PARP11: variants seen among roughly 807,000 people sequenced by gnomAD.
The protein encoded by PARP11 is poly(ADP-ribose) polymerase family member 11, also known as protein mono-ADP-ribosyltransferase PARP11.
A neutral mutation model predicts 42.9 loss-of-function variants in PARP11; 31 were observed. That is an observed-to-expected ratio of 0.72 (90% confidence interval 0.54 to 0.98). PARP11 has a LOEUF of 0.98. Ranked by LOEUF, PARP11 falls within the 50% of genes least tolerant of loss-of-function variation. The pLI, the probability that PARP11 is intolerant of heterozygous loss-of-function variation, is 0.00. For missense variants in PARP11, 365 were observed against 413.1 expected (o/e 0.88, Z 1.01); for synonymous variants, 137 against 127.3 (o/e 1.08, Z -0.51).
chr12:3,873,370 C>A lies in PARP11; in HGVS notation c.-141G>T, dbSNP rs188018948. ...CTTTACGAAGGCCTTCCTCCTCCCC[C>A]TCCCTGTCACAAGCCAGCGTTTACA... is the stretch of plus-strand genomic sequence containing the variant. On this transcript the variant is annotated 5_prime_UTR_variant, in exon 1 of 8. The change creates a new upstream start codon in the 5' untranslated region. Coordinates refer to ENST00000228820, the MANE Select transcript of PARP11 (RefSeq NM_020367.6). 1.9e-4 allele frequency: 140 copies of A among 752,162 alleles called. No homozygotes were observed. The South Asian group carries it at 2.1e-3, about 11-fold the overall frequency. 46.6% of individuals were successfully genotyped at this position (752,162 alleles called of 1,614,324 possible). A position where few individuals can be genotyped will look rare whatever the true frequency, so the allele number is the denominator to read the frequency against.
At chr12:3,867,955 A>G (rs936255922) in intron 1 of PARP11, among the ~76,000 whole-genome samples, 101 of 152,312 alleles carry the variant, frequency 6.6e-4, no homozygotes, top group African/African-American at 2.3e-3. Flanking sequence ...ATTCCTAAAC[A>G]TCTGACAGCG....
rs1591782565 is a variant in PARP11, at chr12:3,841,756, T to C, written c.19-11738A>G. The C allele has an allele frequency of 5.0e-6, 8 of 1,612,810 alleles. No individual in the cohort carries two copies. The South Asian group carries it at 6.6e-5, about 13-fold the overall frequency. On this transcript the variant is annotated intron_variant, in intron 1 of 7. Coordinates refer to ENST00000228820, the MANE Select transcript of PARP11 (RefSeq NM_020367.6). ...TGCACCTCCTTTCTTTCCTCATGTT[T>C]GGCATGGGTACCCTTTTCAGGGATT... is the stretch of plus-strand genomic sequence containing the variant.
chr12:3,873,184 G>T, intron 1 of PARP11, 28 bp downstream of exon 1: 1 of 1,532,958 alleles, frequency 6.5e-7, no homozygotes, highest in South Asian at 1.2e-5. Context: ...CGCCCCCTGG[G>T]CCCGCCCCGT....
At chr12:3,859,192 T>TTAA (rs1174762710) in intron 1 of PARP11, among the ~76,000 whole-genome samples, 2 of 152,056 alleles carry the variant, frequency 1.3e-5, no homozygotes, top group East Asian at 3.8e-4. Flanking sequence ...TAGACTTGGG[T>TTAA]ACTATCTCCA....
Position 3,840,299 on chromosome 12 carries a change from C to T in PARP11, c.19-10281G>A. ...TCAAAGAACCTCAAGGCACCTCCCC[C>T]AGAAAGCTGGAACACAGTGTCAGGG... On this transcript the variant is annotated intron_variant, in intron 1 of 7. Coordinates refer to ENST00000228820, the MANE Select transcript of PARP11 (RefSeq NM_020367.6). The surrounding 1 kb of genome is among the most constrained non-coding windows in gnomAD (Gnocchi z 4.4). The T allele has an allele frequency of 1.2e-6, 2 of 1,614,104 alleles. No individual in the cohort carries two copies. The highest frequency in any genetic ancestry group is 1.3e-5 in the African/African-American group (1 of 75,030).
At chr12:3,814,870 A>G (rs932684816) in intron 6 of PARP11, 47 of 271,714 alleles carry the variant, frequency 1.7e-4, no homozygotes, top group Non-Finnish European at 2.8e-4. Context: ...ATCTTAAAAA[A>G]TAATATTGAA....
chr12:3,825,425 T>C (rs1353703077), intron 4 of PARP11, among the ~76,000 whole-genome samples: 1 of 152,096 alleles, frequency 6.6e-6, no homozygotes, highest in African/African-American at 2.4e-5. Context: ...CTTCTAGGAG[T>C]TGACCAATGG....
At chr12:3,860,018 G>C (rs1175482315) in intron 1 of PARP11, among the ~76,000 whole-genome samples, 5 of 152,132 alleles carry the variant, frequency 3.3e-5, no homozygotes, top group African/African-American at 1.2e-4. Context: ...TAAATAGAAC[G>C]CAAGAAGAGA....
At chr12:3,825,200 G>A (rs371426233) in intron 4 of PARP11, among the ~76,000 whole-genome samples, 28 of 151,834 alleles carry the variant, frequency 1.8e-4, no homozygotes, top group African/African-American at 6.8e-4. Flanking sequence ...TAGGAGACAT[G>A]CTTTAAGATT....
intron 1 of PARP11, among the ~76,000 whole-genome samples, chr12:3,848,773 C>G (rs1006836108): frequency 6.6e-6 from 1 of 151,908 alleles, no homozygotes; most frequent in African/African-American, 2.4e-5. Flanking sequence ...ACCTCAAAAG[C>G]ACTGCAACCA....
chr12:3,839,608 C>G, intron 1 of PARP11: 1 of 1,142,830 alleles, frequency 8.8e-7, no homozygotes, highest in Non-Finnish European at 1.3e-6. Context: ...ATGGGTAGGA[C>G]AAATGGAAAT....
intron 6 of PARP11, among the ~76,000 whole-genome samples, chr12:3,816,409 T>C (rs1315116961): frequency 6.6e-6 from 1 of 152,242 alleles, no homozygotes; most frequent in Admixed American, 6.5e-5. Context: ...CCTTTCGAGT[T>C]ACTCTTTGCG....
rs570786189 is a variant in PARP11, at chr12:3,839,258, T to C, written c.19-9240A>G. Among the ~76,000 whole-genome samples the C allele has an allele frequency of 2.6e-5, 4 of 151,102 alleles. No homozygotes were observed. The South Asian group carries it at 6.2e-4, about 23-fold the overall frequency. On this transcript the variant is annotated intron_variant, in intron 1 of 7. Transcript: ENST00000228820. ...CGTCGAGCAGCCGGCGGCCTGGCCA[T>C]GTGGGGCTAGCCCTCGCGCCTGGCC...
rs1316684292 is a variant in PARP11, at chr12:3,826,288, G to A, written c.269-55C>T. Reference sequence around the variant, plus strand: ...TCATAAAAGTACACTGTACTATAAAGTGTCATGAAGATTAATAGCCACGCT... The same window carrying A: ...TCATAAAAGTACACTGTACTATAAAATGTCATGAAGATTAATAGCCACGCT... On this transcript the variant is annotated intron_variant, in intron 3 of 7. Transcript: ENST00000228820. The A allele has an allele frequency of 4.7e-6, 6 of 1,275,286 alleles. No individual in the cohort carries two copies. The South Asian group carries it at 5.9e-5, about 13-fold the overall frequency. 79.0% of individuals were successfully genotyped at this position (1,275,286 alleles called of 1,614,324 possible). A position where few individuals can be genotyped will look rare whatever the true frequency, so the allele number is the denominator to read the frequency against.
At position 3,821,853 on chromosome 12, in the gene PARP11, C is replaced by G. The variant is rs1199747761; in HGVS notation, c.548+20G>C. ...AAGACATAGTGGAAAGGAGAAGTTT[C>G]AGATTAGAAATCATCTCACCTGCAA... On this transcript the variant is annotated intron_variant, in intron 6 of 7. Coordinates refer to ENST00000228820, the MANE Select transcript of PARP11 (RefSeq NM_020367.6). The G allele has an allele frequency of 1.3e-6, 2 of 1,593,018 alleles. No individual in the cohort carries two copies. The highest frequency in any genetic ancestry group is 1.9e-5 in the Admixed American group (1 of 53,112).
chr12:3,828,251 A>G (rs1256961975), intron 3 of PARP11, among the ~76,000 whole-genome samples: 1 of 152,170 alleles, frequency 6.6e-6, no homozygotes, highest in African/African-American at 2.4e-5. Context: ...TTTGATCCTT[A>G]AAGTAAAAAA....
chr12:3,841,449 T>C, intron 1 of PARP11: 1 of 1,360,934 alleles, frequency 7.3e-7, no homozygotes, highest in Non-Finnish European at 1.1e-6. Flanking sequence ...AGAATTAAAG[T>C]GATTGTACCT....
At position 3,873,370 on chromosome 12, in the gene PARP11, C is replaced by G. The variant is rs188018948; in HGVS notation, c.-141G>C. ...CTTTACGAAGGCCTTCCTCCTCCCC[C>G]TCCCTGTCACAAGCCAGCGTTTACA... On this transcript the variant is annotated 5_prime_UTR_variant, in exon 1 of 8. Coordinates refer to ENST00000228820, the MANE Select transcript of PARP11 (RefSeq NM_020367.6). 9.3e-6 allele frequency: 7 copies of G among 752,044 alleles called. No homozygotes were observed. Among genetic ancestry groups the G allele is most frequent in the African/African-American group, 5.3e-5 (3 of 57,114 alleles). 46.6% of individuals were successfully genotyped at this position (752,044 alleles called of 1,614,324 possible). A position where few individuals can be genotyped will look rare whatever the true frequency, so the allele number is the denominator to read the frequency against.
chr12:3,869,332 C>G (rs1948438169), intron 1 of PARP11, among the ~76,000 whole-genome samples: 1 of 152,232 alleles, frequency 6.6e-6, no homozygotes, highest in Non-Finnish European at 1.5e-5. Flanking sequence ...ATTTTCCACA[C>G]ATCAGCCAGA....
Sources: allele counts gnomAD v4.1 joint callset (sites outside exome capture counted in the v4.1 genomes callset), GRCh38; gene constraint gnomAD v4.1.1; non-coding constraint Gnocchi (gnomAD v3.1); transcripts MANE v1.5; gene names NCBI Gene and HGNC (gene_info 2026-07-23, HGNC 2026-07-21).